PRDM10: variants seen among roughly 807,000 people sequenced by gnomAD.
PRDM10 encodes PR/SET domain 10.
In PRDM10, 65 loss-of-function variants were observed where a neutral mutation model predicts 133.1. The ratio of observed to expected loss-of-function variants is 0.49; its 90% CI spans 0.40 to 0.60. PRDM10 has a LOEUF of 0.60. PRDM10 is among the 20% of genes least tolerant of loss of function. PRDM10 has a pLI of 0.00. For missense variants in PRDM10, 1,137 were observed against 1,507.1 expected (o/e 0.75, Z 4.07); for synonymous variants, 582 against 580.4 (o/e 1.00, Z -0.04).
chr11:129,927,026 T>G (rs1364327706), intron 11 of PRDM10, among the ~76,000 whole-genome samples: 1 of 151,854 alleles, frequency 6.6e-6, no homozygotes, highest in Non-Finnish European at 1.5e-5. Context: ...GCCAACATGG[T>G]AAAACCCTGT....
rs1035284728 is a variant in PRDM10, at chr11:129,900,597, A to C, written c.*1716T>G. 1.5e-4 allele frequency: 23 copies of C among 152,436 alleles called. No homozygotes were observed. The highest frequency in any genetic ancestry group is 1.5e-5 in the Non-Finnish European group (1 of 68,034). The allele number at this position is 152,436 out of a possible 1,614,324, so 9.4% of individuals were successfully genotyped here. The stretch of plus-strand genomic sequence containing the variant: ...ATAAAAGCTAAAACTGAACCTTTAG[A>C]AAATTCCACTAGTCTTCTCCTAGAA... On this transcript the variant is annotated 3_prime_UTR_variant, in exon 21 of 21. Transcript: ENST00000360871.
rs1401036839 is a variant in PRDM10, at chr11:129,957,897, G to A, written c.83C>T (p.Pro28Leu). ...AATCTGAGCCACTGTTCCTGTGTCC[G>A]GAACAAAGTGCACCTGGCATAAACA... The part of the protein sequence containing the change: ...EQNAAQVHFV[P>L]DTGTVAQIVY... The change falls in exon 3 of 21, where the codon CCG becomes CTG. Residue 28 changes from proline (P) to leucine (L), a missense_variant. Pro to Leu is a moderately conservative substitution (Grantham distance 98). This residue lies in a region of PRDM10 where 635 missense variants were observed against 835.2 expected (regional missense o/e 0.76). Coordinates refer to ENST00000360871, the MANE Select transcript of PRDM10 (RefSeq NM_199437.2). 2.5e-6 allele frequency: 4 copies of A among 1,611,188 alleles called. No individual in the cohort carries two copies. Among genetic ancestry groups the A allele is most frequent in the Non-Finnish European group, 3.4e-6 (4 of 1,178,488 alleles).
chr11:129,955,300 ACTTT>A (rs1260954265), intron 4 of PRDM10, among the ~76,000 whole-genome samples: 1 of 152,216 alleles, frequency 6.6e-6, no homozygotes, highest in Non-Finnish European at 1.5e-5. Context: ...CTGACAAATC[ACTTT>A]CTATTATCAG....
At chr11:129,988,323 A>T (rs1461867966) in intron 1 of PRDM10, among the ~76,000 whole-genome samples, 1 of 152,234 alleles carries the variant, frequency 6.6e-6, no homozygotes, top group Non-Finnish European at 1.5e-5. Context: ...CTTTGAATGT[A>T]TTAAAGCCAT....
At chr11:129,984,248 T>C (rs1938279859) in intron 1 of PRDM10, among the ~76,000 whole-genome samples, 3 of 152,352 alleles carry the variant, frequency 2.0e-5, no homozygotes, top group Admixed American at 1.3e-4. Context: ...CCAGGCCTTC[T>C]GGGACCCTCC....
At chr11:129,971,798 G>A (rs927005068) in intron 1 of PRDM10, among the ~76,000 whole-genome samples, 9 of 152,252 alleles carry the variant, frequency 5.9e-5, no homozygotes, top group Non-Finnish European at 1.2e-4. Flanking sequence ...GGGGCTGCAG[G>A]TGGAGCTGCC....
At chr11:129,922,743 C>T (rs922752763) in intron 13 of PRDM10, among the ~76,000 whole-genome samples, 1 of 152,138 alleles carries the variant, frequency 6.6e-6, no homozygotes, top group Non-Finnish European at 1.5e-5. Context: ...CTTCTAAGTT[C>T]CAGGTGGGTT....
intron 20 of PRDM10, among the ~76,000 whole-genome samples, chr11:129,905,138 C>A (rs572609841): frequency 9.9e-5 from 15 of 152,020 alleles, no homozygotes; most frequent in African/African-American, 3.6e-4. Flanking sequence ...TTAAGGTGGG[C>A]GGATCATGAG....
At chr11:129,909,408 C>T (rs1950115127) in intron 19 of PRDM10, among the ~76,000 whole-genome samples, 1 of 151,626 alleles carries the variant, frequency 6.6e-6, no homozygotes, top group African/African-American at 2.4e-5. Flanking sequence ...CGCGATTGTG[C>T]CACTGCACTC....
At chr11:129,916,816 C>T (rs1950373079) in intron 15 of PRDM10, among the ~76,000 whole-genome samples, 1 of 152,148 alleles carries the variant, frequency 6.6e-6, no homozygotes, top group Admixed American at 6.5e-5. Flanking sequence ...TAAATGCTCT[C>T]ATTTTAGAGC....
chr11:129,981,248 T>TA (rs1046210079), intron 1 of PRDM10, among the ~76,000 whole-genome samples: 4 of 152,090 alleles, frequency 2.6e-5, no homozygotes, highest in African/African-American at 9.7e-5. Flanking sequence ...ATAAGTACGC[T>TA]AAAAAAACAG....
intron 1 of PRDM10, among the ~76,000 whole-genome samples, chr11:129,980,861 GTTTTT>G (rs60735364): frequency 6.9e-5 from 7 of 102,126 alleles, no homozygotes; most frequent in African/African-American, 2.1e-4. Flanking sequence ...GACATTTCTG[GTTTTT>G]TTTTTTTTTT....
chr11:129,903,339 T>TAATAATAATAAA lies in PRDM10; in HGVS notation c.3268-824_3268-823insTTTATTATTATT, dbSNP rs1555100917. Among the ~76,000 whole-genome samples the TAATAATAATAAA allele has an allele frequency of 9.6e-3, 1,310 of 136,986 alleles. 14 individuals carry two copies. Among genetic ancestry groups the TAATAATAATAAA allele is most frequent in the African/African-American group, 0.034 (1,233 of 36,512 alleles). 89.9% of individuals were successfully genotyped at this position (136,986 alleles called of 152,430 possible). ...ATAATAATAATAATAATAATAATAATAAATGGTTCCCAAATTTTATTTTGT... is the reference window on the plus strand; with the variant it reads ...ATAATAATAATAATAATAATAATAATAATAATAATAAAAAATGGTTCCCAAATTTTATTTTGT... On this transcript the variant is annotated intron_variant, in intron 20 of 20. Transcript: ENST00000360871.
intron 17 of PRDM10, among the ~76,000 whole-genome samples, chr11:129,912,537 G>A (rs1284793368): frequency 6.6e-6 from 1 of 151,704 alleles, no homozygotes; most frequent in East Asian, 1.9e-4. Flanking sequence ...GGATCACGAG[G>A]TCAGGAGATC....
chr11:129,971,704 C>T (rs1219782349), intron 1 of PRDM10, among the ~76,000 whole-genome samples: 2 of 152,246 alleles, frequency 1.3e-5, no homozygotes, highest in Non-Finnish European at 2.9e-5. Flanking sequence ...GGTGTGTTTA[C>T]AATCCCTGAG....
chr11:129,990,612 G>A (rs911625526), intron 1 of PRDM10, among the ~76,000 whole-genome samples: 7 of 149,874 alleles, frequency 4.7e-5, no homozygotes, highest in East Asian at 2.0e-4. Context: ...CTATAAACAC[G>A]TTAATGTGGT....
At chr11:129,964,572 C>T (rs1951866485) in intron 1 of PRDM10, among the ~76,000 whole-genome samples, 1 of 152,366 alleles carries the variant, frequency 6.6e-6, no homozygotes, top group African/African-American at 2.4e-5. Flanking sequence ...AGCATTTCTT[C>T]TATATCTTGT....
At position 129,945,146 on chromosome 11, in the gene PRDM10, C is replaced by T. The variant is rs901974673; in HGVS notation, c.521-134G>A. 33 of 1,061,660 alleles carry T rather than the reference C, an allele frequency of 3.1e-5. No homozygotes were observed. The South Asian group carries it at 4.7e-4, about 15-fold the overall frequency. The allele number at this position is 1,061,660 out of a possible 1,614,324, so 65.8% of individuals were successfully genotyped here. On this transcript the variant is annotated intron_variant, in intron 5 of 20. Coordinates refer to ENST00000360871, the MANE Select transcript of PRDM10 (RefSeq NM_199437.2). This position sits in a 1 kb window ranked among gnomAD's most constrained non-coding sequence, Gnocchi z 4.2. ...TTCAATGAACTCCTAATGGCGCTAC[C>T]CATTCAACGGTAATACATTCTCTCT...
At chr11:129,927,070 G>T (rs1591609233) in intron 11 of PRDM10, among the ~76,000 whole-genome samples, 2 of 151,192 alleles carry the variant, frequency 1.3e-5, no homozygotes, top group East Asian at 3.9e-4. Flanking sequence ...GCCAGGCGTG[G>T]TAGCAGGCAC....
Sources: allele counts gnomAD v4.1 joint callset (sites outside exome capture counted in the v4.1 genomes callset), GRCh38; gene constraint gnomAD v4.1.1; regional missense constraint gnomAD v4.1.1; non-coding constraint Gnocchi (gnomAD v3.1); transcripts MANE v1.5; gene names NCBI Gene and HGNC (gene_info 2026-07-23, HGNC 2026-07-21).